CTNNA2: variants seen among roughly 807,000 people sequenced by gnomAD.
CTNNA2 encodes catenin alpha-2.
In CTNNA2, 42 loss-of-function variants were observed where a neutral mutation model predicts 101.0. That is an observed-to-expected ratio of 0.42 (90% CI 0.32 to 0.54). CTNNA2 has a LOEUF of 0.54. Ranked by LOEUF, CTNNA2 falls within the 20% of genes least tolerant of loss-of-function variation. CTNNA2 has a pLI of 0.14. For missense variants in CTNNA2, 871 were observed against 1,223.1 expected, an observed-to-expected ratio of 0.71 and a Z score of 4.29; for synonymous variants, 450 against 456.4, an observed-to-expected ratio of 0.99 and a Z score of 0.18.
chr2:79,801,992 C>CAAAAAAAAAAAAAAAAAAAAAAGAAAA (rs57124311), intron 3 of CTNNA2, among the ~76,000 whole-genome samples: 1 of 63,820 alleles, frequency 1.6e-5, no homozygotes, highest in Non-Finnish European at 3.6e-5. Context: ...AACTCTGTCT[C>CAAAAAAAAAAAAAAAAAAAAAAGAAAA]AAAAAAAAAA....
intron 2 of CTNNA2, among the ~76,000 whole-genome samples, chr2:79,704,320 G>A (rs192925282): frequency 1.1e-4 from 16 of 152,132 alleles, no homozygotes; most frequent in Non-Finnish European, 1.3e-4. Context: ...TACTATAGCA[G>A]AGGATTCCCT....
rs1040819334 is a variant in CTNNA2 at position 80,288,107 on chromosome 2, G to T, written c.1057-105104G>T. On this transcript the variant is annotated intron_variant, in intron 7 of 18. Transcript: ENST00000402739. The stretch of plus-strand genomic sequence containing the variant: ...CCTTTGTCCTTAGTTGCTGCCCAGG[G>T]TCCTCTGGTGATAGCATTCCAAGTG... Among the ~76,000 whole-genome samples the T allele has an allele frequency of 4.6e-5, 7 of 152,068 alleles. No homozygotes were observed. The East Asian group carries it at 7.7e-4, about 17-fold the overall frequency.
At chr2:80,563,084 C>T (rs1693755105) in intron 12 of CTNNA2, among the ~76,000 whole-genome samples, 1 of 150,304 alleles carries the variant, frequency 6.7e-6, no homozygotes, top group South Asian at 2.1e-4. Context: ...ATCTCCAGTT[C>T]TTCATGGATT....
chr2:80,386,817 A>C (rs1427762026), intron 7 of CTNNA2, among the ~76,000 whole-genome samples: 1 of 152,192 alleles, frequency 6.6e-6, no homozygotes, highest in Non-Finnish European at 1.5e-5. Flanking sequence ...GGTCCCTTCA[A>C]GGGAAAGAAA....
intron 2 of CTNNA2, among the ~76,000 whole-genome samples, chr2:79,293,560 A>T (rs534784796): frequency 3.9e-5 from 6 of 152,344 alleles, no homozygotes; most frequent in East Asian, 1.9e-4. Context: ...ATTTAAAGGC[A>T]TAGAGGATGG....
At chr2:79,514,880 C>T (rs894792686) in intron 1 of CTNNA2, among the ~76,000 whole-genome samples, 4 of 152,174 alleles carry the variant, frequency 2.6e-5, no homozygotes, top group Admixed American at 2.6e-4. Flanking sequence ...TGCTGTGGAA[C>T]ACATTATTGA....
At chr2:79,943,054 T>C (rs892916467) in intron 7 of CTNNA2, among the ~76,000 whole-genome samples, 1 of 151,694 alleles carries the variant, frequency 6.6e-6, no homozygotes, top group South Asian at 2.1e-4. Context: ...CCATCTCTGC[T>C]AAAAATAAAA....
intron 4 of CTNNA2, among the ~76,000 whole-genome samples, chr2:79,866,310 T>C (rs1330399342): frequency 5.3e-5 from 8 of 152,244 alleles, no homozygotes; most frequent in Non-Finnish European, 5.9e-5. Flanking sequence ...ATGCACTGGT[T>C]ATAAATATTA....
At chr2:80,569,021 G>A (rs547722451) in intron 12 of CTNNA2, among the ~76,000 whole-genome samples, 10 of 152,256 alleles carry the variant, frequency 6.6e-5, no homozygotes, top group African/African-American at 1.7e-4. Context: ...TGAGGGTAGC[G>A]AGGTTACCTG....
At chr2:79,990,057 AAG>A (rs2103889056) in intron 7 of CTNNA2, among the ~76,000 whole-genome samples, 1 of 152,284 alleles carries the variant, frequency 6.6e-6, no homozygotes, top group East Asian at 1.9e-4. Context: ...GGAAGAAACA[AAG>A]AGTGATTAGA....
chr2:80,064,669 G>C (rs1235464667), intron 7 of CTNNA2, among the ~76,000 whole-genome samples: 1 of 152,180 alleles, frequency 6.6e-6, no homozygotes, highest in Non-Finnish European at 1.5e-5. Flanking sequence ...TTCCACACCA[G>C]GGTAGCCTGG....
intron 7 of CTNNA2, among the ~76,000 whole-genome samples, chr2:80,378,089 G>A (rs1573890729): frequency 6.6e-6 from 1 of 152,086 alleles, no homozygotes; most frequent in South Asian, 2.1e-4. Context: ...GGCGCAGGTG[G>A]CTCAAGCCTG....
intron 1 of CTNNA2, among the ~76,000 whole-genome samples, chr2:79,534,410 A>T (rs1672929852): frequency 6.6e-6 from 1 of 152,070 alleles, no homozygotes; most frequent in Admixed American, 6.6e-5. Flanking sequence ...GTTTGTTATA[A>T]CGCTAGGATA....
intron 7 of CTNNA2, among the ~76,000 whole-genome samples, chr2:80,053,232 G>A (rs966274198): frequency 1.8e-4 from 28 of 152,066 alleles, no homozygotes; most frequent in African/African-American, 6.8e-4. Context: ...GTGTCCATTT[G>A]TCCTTAGTTC....
intron 1 of CTNNA2, among the ~76,000 whole-genome samples, chr2:79,569,000 C>T (rs536617492): frequency 4.6e-5 from 7 of 151,886 alleles, no homozygotes; most frequent in Admixed American, 3.3e-4. Context: ...TACCCCTGCA[C>T]TACAGCCTTG....
chr2:79,407,386 C>G (rs1242586885), intron 4 of CTNNA2, among the ~76,000 whole-genome samples: 1 of 151,896 alleles, frequency 6.6e-6, no homozygotes, highest in South Asian at 2.1e-4. Flanking sequence ...TTTGGGGGAG[C>G]AGATTTTTGA....
chr2:79,568,895 A>G (rs1409004729), intron 1 of CTNNA2, among the ~76,000 whole-genome samples: 4 of 144,174 alleles, frequency 2.8e-5, no homozygotes, highest in Admixed American at 1.4e-4. Flanking sequence ...AAAGCCAGGC[A>G]TGATGGTATG....
chr2:80,297,973 G>GT lies in CTNNA2; in HGVS notation c.1057-95238_1057-95237insT, dbSNP rs1558979358. On this transcript the variant is annotated intron_variant, in intron 7 of 18. Transcript: ENST00000402739. ...AATGGTCACCTGCCTGCGCGTGTAT[G>GT]GGTGTGTGTGTGTGGTTATATATGT... is the stretch of plus-strand genomic sequence containing the variant. Among the ~76,000 whole-genome samples, 171 of 150,936 alleles carry GT rather than the reference G, an allele frequency of 1.1e-3. 1 individual carries two copies. The highest frequency in any genetic ancestry group is 7.6e-3 in the East Asian group (39 of 5,150).
chr2:80,370,417 T>G (rs925169194), intron 7 of CTNNA2, among the ~76,000 whole-genome samples: 14 of 152,100 alleles, frequency 9.2e-5, no homozygotes, highest in African/African-American at 3.4e-4. Context: ...GTTCAAAATG[T>G]TTAATATAGA....
Sources: gnomAD v4.1 joint callset for allele counts (sites outside exome capture counted in the v4.1 genomes callset) on GRCh38, gnomAD v4.1.1 for gene constraint, MANE v1.5 for transcripts, NCBI Gene and HGNC (gene_info 2026-07-23, HGNC 2026-07-21) for gene names.